The following CAMTA1 variants were observed in gnomAD, a reference collection of about 807,000 sequenced individuals.
CAMTA1 encodes the protein calmodulin binding transcription activator 1.
Under a neutral mutation model 170.9 loss-of-function variants are expected in CAMTA1, and 27 were observed. The observed-to-expected ratio is 0.16, with a 90% confidence interval of 0.12 to 0.22. CAMTA1 has a LOEUF of 0.22. Ranked by LOEUF, CAMTA1 falls within the 10% of genes least tolerant of loss-of-function variation. The probability of loss-of-function intolerance (pLI) is 1.00; values close to 1 mark genes in which losing one functional copy is unlikely to be tolerated. For missense variants in CAMTA1, 1,619 were observed against 2,217.2 expected (o/e 0.73, Z 5.42); for synonymous variants, 833 against 891.5 (o/e 0.93, Z 1.17).
intron 11 of CAMTA1, among the ~76,000 whole-genome samples, chr1:7,687,585 C>G (rs2096269703): frequency 6.6e-6 from 1 of 152,160 alleles, no homozygotes; most frequent in Admixed American, 6.5e-5. Flanking sequence ...GCGTGCCTCC[C>G]ACTGCCCCAT....
At chr1:7,683,568 T>C (rs2096231737) in intron 11 of CAMTA1, among the ~76,000 whole-genome samples, 2 of 151,290 alleles carry the variant, frequency 1.3e-5, no homozygotes, top group Non-Finnish European at 2.9e-5. Context: ...GGCATCCACC[T>C]GGAGTGGGGA....
chr1:7,494,955 A>T (rs1019906081), intron 6 of CAMTA1, among the ~76,000 whole-genome samples: 10 of 152,128 alleles, frequency 6.6e-5, no homozygotes, highest in African/African-American at 1.9e-4. Flanking sequence ...CTACGCCCTC[A>T]GACTGGGGCT....
At chr1:7,250,470 G>A (rs977278760) in intron 5 of CAMTA1, among the ~76,000 whole-genome samples, 2 of 152,200 alleles carry the variant, frequency 1.3e-5, no homozygotes, top group African/African-American at 4.8e-5. Flanking sequence ...AAGCTGGCTC[G>A]TGATCCACCT....
At position 6,970,333 on chromosome 1, in the gene CAMTA1, G is replaced by A. The variant is rs141313680; in HGVS notation, c.235-120971G>A. ...TTATGTCCTGCTTTGCTTGCACGACGTGCCATAAGCATCCTCCATATGTAT... is the reference window on the plus strand; with the variant it reads ...TTATGTCCTGCTTTGCTTGCACGACATGCCATAAGCATCCTCCATATGTAT... On this transcript the variant is annotated intron_variant, in intron 3 of 22. Transcript: ENST00000303635. This position sits in a 1 kb window ranked among gnomAD's most constrained non-coding sequence, Gnocchi z 4.4. 2.1e-3 allele frequency among the ~76,000 whole-genome samples: 315 copies of A among 152,232 alleles called. 2 individuals are homozygous for A. Among genetic ancestry groups the A allele is most frequent in the Admixed American group, 5.6e-3 (86 of 15,294 alleles).
At chr1:7,047,096 G>A (rs567621945) in intron 3 of CAMTA1, among the ~76,000 whole-genome samples, 28 of 152,300 alleles carry the variant, frequency 1.8e-4, no homozygotes, top group African/African-American at 6.7e-4. Flanking sequence ...TCAGTAATCA[G>A]GGCTGCTTGT....
intron 3 of CAMTA1, among the ~76,000 whole-genome samples, chr1:6,980,422 C>G (rs560275041): frequency 6.6e-6 from 1 of 152,144 alleles, no homozygotes; most frequent in Non-Finnish European, 1.5e-5. Flanking sequence ...GTCACGAGCC[C>G]GTGGAGTGAC....
intron 5 of CAMTA1, among the ~76,000 whole-genome samples, chr1:7,335,395 C>T (rs975948994): frequency 1.7e-4 from 26 of 152,128 alleles, no homozygotes; most frequent in African/African-American, 4.8e-4. Context: ...GTCAAATGAC[C>T]GTTTACTCAG....
rs2150256523 is a variant in CAMTA1 at position 7,561,115 on chromosome 1, G to C, written c.511-79285G>C. Among the ~76,000 whole-genome samples, 1 of 152,258 alleles carries C rather than the reference G, an allele frequency of 6.6e-6. No homozygotes were observed. Among genetic ancestry groups the C allele is most frequent in the South Asian group, 2.1e-4 (1 of 4,830 alleles). On this transcript the variant is annotated intron_variant, in intron 6 of 22. Transcript: ENST00000303635. This position sits in a 1 kb window ranked among gnomAD's most constrained non-coding sequence, Gnocchi z 5.3. ...CTCATTGCTGTCCTTTCTGAACAAC[G>C]CCCAAGAATCCAGGCATGGCCAGGG...
chr1:7,146,794 CCA>C lies in CAMTA1; in HGVS notation c.302+55428_302+55429del, dbSNP rs1265934403. ...CTTGAGCATCATGCACACATATATA[CCA>C]CACAAATATACACCATGTGCACACA... On this transcript the variant is annotated intron_variant, in intron 4 of 22. Coordinates refer to ENST00000303635, the MANE Select transcript of CAMTA1 (RefSeq NM_015215.4). This position sits in a 1 kb window ranked among gnomAD's most constrained non-coding sequence, Gnocchi z 4.3. 6.6e-6 allele frequency among the ~76,000 whole-genome samples: 1 copy of C among 151,378 alleles called. No individual in the cohort carries two copies. The highest frequency in any genetic ancestry group is 1.5e-5 in the Non-Finnish European group (1 of 67,842).
rs2095305217 is a variant in CAMTA1, at chr1:7,585,824, GC to G, written c.511-54574del. Among the ~76,000 whole-genome samples the G allele has an allele frequency of 6.6e-6, 1 of 151,864 alleles. No individual in the cohort carries two copies. Among genetic ancestry groups the G allele is most frequent in the African/African-American group, 2.4e-5 (1 of 41,250 alleles). ...TCCACCTCCAGCTTCCTGCTGCGGG[GC>G]CTTAGTAGACTCAGCCCCCACCTCC... On this transcript the variant is annotated intron_variant, in intron 6 of 22. Coordinates refer to ENST00000303635, the MANE Select transcript of CAMTA1 (RefSeq NM_015215.4). This position sits in a 1 kb window ranked among gnomAD's most constrained non-coding sequence, Gnocchi z 4.8.
intron 6 of CAMTA1, among the ~76,000 whole-genome samples, chr1:7,604,584 AT>A (rs925652862): frequency 6.6e-6 from 1 of 151,844 alleles, no homozygotes; most frequent in East Asian, 1.9e-4. Flanking sequence ...CATTCATCTA[AT>A]TTTTTTTCAA....
chr1:7,481,890 TCGATGCGTG>T (rs535433540), intron 6 of CAMTA1, among the ~76,000 whole-genome samples: 12 of 152,032 alleles, frequency 7.9e-5, no homozygotes, highest in Non-Finnish European at 1.8e-4. Context: ...TGAGTTTTGA[TCGATGCGTG>T]CGTCAGTCAT....
intron 3 of CAMTA1, among the ~76,000 whole-genome samples, chr1:6,832,313 G>A (rs1224375928): frequency 2.6e-5 from 4 of 152,130 alleles, no homozygotes; most frequent in African/African-American, 9.7e-5. Context: ...CTGAGCTCAA[G>A]CAATCTGCTT....
intron 5 of CAMTA1, among the ~76,000 whole-genome samples, chr1:7,275,101 C>T (rs1182629201): frequency 3.0e-5 from 4 of 134,692 alleles, no homozygotes; most frequent in African/African-American, 2.9e-5. Context: ...GAGATCGCAA[C>T]ACTGCACTCC....
At chr1:7,759,117 C>G (rs944355863) in intron 22 of CAMTA1, among the ~76,000 whole-genome samples, 1 of 151,752 alleles carries the variant, frequency 6.6e-6, no homozygotes, top group Non-Finnish European at 1.5e-5. Flanking sequence ...CCACTGTACT[C>G]CAGCCTGCAC....
intron 5 of CAMTA1, among the ~76,000 whole-genome samples, chr1:7,284,165 CTTCTTCTTCTTCTTATTA>C (rs1474813459): frequency 9.2e-4 from 109 of 117,952 alleles, no homozygotes; most frequent in East Asian, 2.9e-3. Flanking sequence ...TCTTCTTCTT[CTTCTTCTTCTTCTTATTA>C]TTATTATTAT....
At chr1:6,944,996 C>T (rs1245209470) in intron 3 of CAMTA1, among the ~76,000 whole-genome samples, 6 of 152,146 alleles carry the variant, frequency 3.9e-5, no homozygotes, top group Non-Finnish European at 7.3e-5. Context: ...CCCCATCGTA[C>T]GTCGAGGAGC....
At chr1:7,270,244 T>TACACACACACAC (rs57280188) in intron 5 of CAMTA1, among the ~76,000 whole-genome samples, 1 of 127,232 alleles carries the variant, frequency 7.9e-6, no homozygotes, top group African/African-American at 3.1e-5. Context: ...CATATATACA[T>TACACACACACAC]ACACACACAC....
In CAMTA1 at chr1:7,017,460, G is replaced by C. The variant is rs546087300; in HGVS notation, c.235-73844G>C. On this transcript the variant is annotated intron_variant, in intron 3 of 22. Transcript: ENST00000303635. ...GTTCTTTGCTAAATATAAATGCCTT[G>C]CTTGTGACCACAGAGGTTCAGGTGC... is the stretch of plus-strand genomic sequence containing the variant. Among the ~76,000 whole-genome samples the C allele has an allele frequency of 2.8e-4, 42 of 152,284 alleles. No individual in the cohort carries two copies. The East Asian group carries it at 6.9e-3, about 25-fold the overall frequency.
Sources: gnomAD v4.1 joint callset for allele counts (sites outside exome capture counted in the v4.1 genomes callset) on GRCh38, gnomAD v4.1.1 for gene constraint, Gnocchi (gnomAD v3.1) non-coding constraint, MANE v1.5 for transcripts, NCBI Gene and HGNC (gene_info 2026-07-23, HGNC 2026-07-21) for gene names.